The following LVRN variants were observed in gnomAD, a reference collection of about 807,000 sequenced individuals.
The protein encoded by LVRN is aminopeptidase Q.
In LVRN, 99 loss-of-function variants were observed where a neutral mutation model predicts 111.4. The observed-to-expected ratio is 0.89, with a 90% CI of 0.76 to 1.05. The LOEUF (loss-of-function observed/expected upper bound fraction) is 1.05, where lower values mean the gene tolerates loss of function less well. Among genes scored for constraint, LVRN ranks in the 50% least tolerant of loss-of-function variants. The pLI, the probability that LVRN is intolerant of heterozygous loss-of-function variation, is 0.00. For synonymous variants in LVRN, 488 were observed against 449.5 expected (o/e 1.09, Z -1.08); for missense variants, 1,414 against 1,206.8 (o/e 1.17, Z -2.54).
At chr5:115,972,572 G>A (rs935565003) in intron 1 of LVRN, among the ~76,000 whole-genome samples, 9 of 151,450 alleles carry the variant, frequency 5.9e-5, no homozygotes, top group Admixed American at 3.9e-4. Flanking sequence ...TAGTTTCAAC[G>A]CCTTTTATTT....
intron 10 of LVRN, 96 bp from the exon 11 acceptor site, chr5:116,002,739 G>C (rs976638428): frequency 6.2e-5 from 54 of 867,924 alleles, no homozygotes; most frequent in Non-Finnish European, 9.2e-5. Flanking sequence ...AAGAAACTGA[G>C]TTCTGTGTGC....
intron 1 of LVRN, among the ~76,000 whole-genome samples, chr5:115,967,896 T>A (rs962537517): frequency 2.0e-5 from 3 of 152,240 alleles, no homozygotes; most frequent in African/African-American, 7.2e-5. Flanking sequence ...TGTCTGTTGC[T>A]ACTATATAGA....
chr5:115,982,561 T>A (rs1753582133), intron 1 of LVRN, among the ~76,000 whole-genome samples: 1 of 152,110 alleles, frequency 6.6e-6, no homozygotes, highest in South Asian at 2.1e-4. Context: ...CTGGGACCTG[T>A]GCTGTCATCA....
At position 115,997,272 on chromosome 5, in the gene LVRN, C is replaced by T. The variant is rs114714417; in HGVS notation, c.1375-2490C>T. Among the ~76,000 whole-genome samples the T allele has an allele frequency of 4.0e-3, 607 of 152,224 alleles. 10 individuals carry two copies. The highest frequency in any genetic ancestry group is 0.014 in the African/African-American group (577 of 41,514). On this transcript the variant is annotated intron_variant, in intron 6 of 19. Transcript: ENST00000357872. ...ACTCCTAAAGGGCCGAGGAAGGATTCGTACACAGGCACTTTAACTCCAAAT... is the reference window on the plus strand; with the variant it reads ...ACTCCTAAAGGGCCGAGGAAGGATTTGTACACAGGCACTTTAACTCCAAAT...
intron 1 of LVRN, among the ~76,000 whole-genome samples, chr5:115,979,683 G>A (rs1048915337): frequency 2.6e-5 from 4 of 152,106 alleles, no homozygotes; most frequent in African/African-American, 7.2e-5. Flanking sequence ...ATAAACAAAC[G>A]TGATTCATAA....
intron 11 of LVRN, 36 bp downstream of exon 11, chr5:116,002,947 T>G (rs1477959609): frequency 1.4e-6 from 2 of 1,427,814 alleles, no homozygotes; most frequent in Non-Finnish European, 1.9e-6. Context: ...TTTATATATA[T>G]GCATATGTAA....
intron 1 of LVRN, chr5:115,974,993 G>T: frequency 5.3e-6 from 2 of 380,218 alleles, no homozygotes; most frequent in African/African-American, 2.1e-5. Flanking sequence ...TTTGTCTCTG[G>T]GTGAAATAAG....
intron 9 of LVRN, 72 bp from the exon 10 acceptor site, chr5:116,000,994 CT>C: frequency 6.7e-7 from 1 of 1,497,844 alleles, no homozygotes. Flanking sequence ...TACCGAGTTT[CT>C]TTTTGGAGAT....
At position 116,002,885 on chromosome 5, in the gene LVRN, C is replaced by T. The variant is rs911684051; in HGVS notation, c.1871C>T (p.Pro624Leu). Residue 624 changes from proline (P) to leucine (L), a missense_variant, in exon 11 of 20, where the codon CCT (proline) becomes CTT (leucine). Physicochemically the swap from Pro to Leu is moderately conservative, Grantham distance 98. Transcript: ENST00000357872. The stretch of plus-strand genomic sequence containing the variant: ...TGGATAAAAAATGGAACTACACAAC[C>T]TTTAGTCTGGCTAGATCAAAGCAGC... ...ILWIKNGTTQ[P>L]LVWLDQSSKV... is the part of the protein sequence containing the mutation. 5 of 1,610,340 alleles carry T rather than the reference C, an allele frequency of 3.1e-6. No individual in the cohort carries two copies. The African/African-American group carries it at 5.3e-5, about 17-fold the overall frequency.
chr5:115,984,715 T>A lies in LVRN; in HGVS notation c.978+6T>A. 6.2e-7 allele frequency: 1 copy of A among 1,613,152 alleles called. No homozygotes were observed. Among genetic ancestry groups the A allele is most frequent in the Non-Finnish European group, 8.5e-7 (1 of 1,179,578 alleles). ...GAACAGAAAGGGGCAAGGAGGTGAGTGAGGAAGATTCTGTAGGTAAGGGAG... is the reference window on the plus strand; with the variant it reads ...GAACAGAAAGGGGCAAGGAGGTGAGAGAGGAAGATTCTGTAGGTAAGGGAG... On this transcript the variant is annotated splice_donor_region_variant and intron_variant, in intron 3 of 19. Coordinates refer to ENST00000357872, the MANE Select transcript of LVRN (RefSeq NM_173800.5).
chr5:115,982,297 C>T (rs73259388), intron 1 of LVRN, among the ~76,000 whole-genome samples: 2,825 of 152,198 alleles, frequency 0.019, 87 homozygotes, highest in African/African-American at 0.064. Context: ...GGAGGGATCA[C>T]AAGGGTAAGT....
intron 19 of LVRN, among the ~76,000 whole-genome samples, chr5:116,025,386 GA>G (rs905208243): frequency 3.8e-4 from 58 of 152,054 alleles, no homozygotes; most frequent in African/African-American, 1.3e-3. Flanking sequence ...AATGAAAATT[GA>G]AAAAACTTAT....
chr5:116,005,757 G>A (rs753023911), intron 12 of LVRN, 155 bp from the exon 13 acceptor site: 26 of 698,522 alleles, frequency 3.7e-5, no homozygotes, highest in Non-Finnish European at 6.3e-5. Flanking sequence ...AAATTATGGG[G>A]ACTGTCCTCA....
At chr5:116,009,015 G>C (rs1261946703) in intron 13 of LVRN, among the ~76,000 whole-genome samples, 1 of 152,220 alleles carries the variant, frequency 6.6e-6, no homozygotes, top group African/African-American at 2.4e-5. Context: ...GAGAGGACAA[G>C]TCAATGCCTG....
intron 6 of LVRN, 76 bp from the exon 7 acceptor site, chr5:115,999,686 A>C (rs1748195078): frequency 6.7e-7 from 1 of 1,493,742 alleles, no homozygotes; most frequent in South Asian, 1.2e-5. Context: ...AGTTTTTGAA[A>C]GTATTTTAGG....
At chr5:116,019,643 G>A (rs1331555534) in intron 18 of LVRN, among the ~76,000 whole-genome samples, 2 of 152,100 alleles carry the variant, frequency 1.3e-5, no homozygotes, top group South Asian at 4.1e-4. Context: ...GCTTTTTAAT[G>A]TGTAGAGTTT....
chr5:116,010,080 A>G (rs1420248203), intron 13 of LVRN, among the ~76,000 whole-genome samples: 1 of 152,230 alleles, frequency 6.6e-6, no homozygotes, highest in Non-Finnish European at 1.5e-5. Context: ...AGCTTCAGCA[A>G]CCACCACCCT....
At position 115,988,000 on chromosome 5, in the gene LVRN, G is replaced by T. The variant is rs1747908101; in HGVS notation, c.1105+61G>T. On this transcript the variant is annotated intron_variant, in intron 4 of 19. Coordinates refer to ENST00000357872, the MANE Select transcript of LVRN (RefSeq NM_173800.5). ...CCTGTTATTTGGGCCCTTGGTTGAGGCCTCAAGATACACAGACAAACCCAT... is the reference window on the plus strand; with the variant it reads ...CCTGTTATTTGGGCCCTTGGTTGAGTCCTCAAGATACACAGACAAACCCAT... 4.5e-6 allele frequency: 7 copies of T among 1,558,672 alleles called. No homozygotes were observed. In the East Asian group the frequency reaches 9.0e-5, roughly 20 times the overall value.
At chr5:116,005,473 GT>G (rs1748341400) in intron 12 of LVRN, among the ~76,000 whole-genome samples, 1 of 152,186 alleles carries the variant, frequency 6.6e-6, no homozygotes, top group African/African-American at 2.4e-5. Context: ...TAAATACCGT[GT>G]GAAAAAATAT....
Sources: gnomAD v4.1 joint callset for allele counts (sites outside exome capture counted in the v4.1 genomes callset) on GRCh38, gnomAD v4.1.1 for gene constraint, MANE v1.5 for transcripts, NCBI Gene and HGNC (gene_info 2026-07-23, HGNC 2026-07-21) for gene names.